The following MFHAS1 variants were observed in gnomAD, a reference collection of about 807,000 sequenced individuals.
MFHAS1 encodes malignant fibrous histiocytoma-amplified sequence 1.
A neutral mutation model predicts 70.4 loss-of-function variants in MFHAS1; 50 were observed. The observed-to-expected ratio is 0.71, with a 90% CI of 0.57 to 0.90. The LOEUF (loss-of-function observed/expected upper bound fraction) is 0.90, where lower values mean the gene tolerates loss of function less well. MFHAS1 is among the 40% of genes least tolerant of loss of function. The pLI, the probability that MFHAS1 is intolerant of heterozygous loss-of-function variation, is 0.00. For synonymous variants in MFHAS1, 952 were observed against 620.0 expected (o/e 1.54, Z -7.96); for missense variants, 1,795 against 1,347.6 (o/e 1.33, Z -5.20).
intron 1 of MFHAS1, among the ~76,000 whole-genome samples, chr8:8,809,193 A>G (rs1806452054): frequency 6.6e-6 from 1 of 152,160 alleles, no homozygotes; most frequent in Admixed American, 6.6e-5. Flanking sequence ...CTGATTCCAC[A>G]TTATAGTGAG....
intron 1 of MFHAS1, among the ~76,000 whole-genome samples, chr8:8,887,449 C>G (rs1269261539): frequency 6.6e-6 from 1 of 151,322 alleles, no homozygotes; most frequent in Admixed American, 6.6e-5. Flanking sequence ...ATGTTTTCTA[C>G]TATTCTATAC....
chr8:8,797,630 G>T, intron 1 of MFHAS1, 139 bp from the exon 2 acceptor site: 3 of 980,638 alleles, frequency 3.1e-6, no homozygotes, highest in Non-Finnish European at 4.4e-6. Context: ...GAACAAATGT[G>T]CAACCAAGAA....
chr8:8,875,202 C>T (rs1463815145), intron 1 of MFHAS1, among the ~76,000 whole-genome samples: 3 of 152,106 alleles, frequency 2.0e-5, no homozygotes, highest in Non-Finnish European at 4.4e-5. Context: ...GACTCAATGA[C>T]TCTACTTCGG....
intron 1 of MFHAS1, among the ~76,000 whole-genome samples, chr8:8,812,006 C>T (rs1399203334): frequency 1.3e-5 from 2 of 152,202 alleles, no homozygotes; most frequent in Non-Finnish European, 2.9e-5. Context: ...AAACCAGAAG[C>T]ACTCCAGGAA....
At chr8:8,888,188 T>A (rs901285411) in intron 1 of MFHAS1, among the ~76,000 whole-genome samples, 3 of 152,236 alleles carry the variant, frequency 2.0e-5, no homozygotes, top group African/African-American at 4.8e-5. Flanking sequence ...AATGGATGTC[T>A]CAGTTGACTG....
At chr8:8,809,094 T>C (rs1378398789) in intron 1 of MFHAS1, among the ~76,000 whole-genome samples, 2 of 152,140 alleles carry the variant, frequency 1.3e-5, no homozygotes, top group Non-Finnish European at 2.9e-5. Flanking sequence ...TGCGCGCTCC[T>C]TGTAAGAATC....
chr8:8,879,447 G>T (rs1241942093), intron 1 of MFHAS1, among the ~76,000 whole-genome samples: 1 of 152,162 alleles, frequency 6.6e-6, no homozygotes, highest in Non-Finnish European at 1.5e-5. Context: ...CATATACAAT[G>T]AATTTCCTTT....
At chr8:8,860,911 A>C (rs1468451119) in intron 1 of MFHAS1, among the ~76,000 whole-genome samples, 1 of 152,204 alleles carries the variant, frequency 6.6e-6, no homozygotes, top group Non-Finnish European at 1.5e-5. Flanking sequence ...ATACAAACCC[A>C]CAACCACTTA....
Position 8,892,517 on chromosome 8 carries a change from G to C in MFHAS1, c.542C>G (p.Ser181Cys), listed in dbSNP as rs1465225375. The change falls in exon 1 of 3, where the codon TCC becomes TGC. Residue 181 changes from serine to cysteine, a missense_variant. By Grantham distance (112) the Ser-to-Cys change is moderately radical (BLOSUM62 -1). Transcript: ENST00000276282. This position sits in a 1 kb window ranked among gnomAD's most constrained non-coding sequence, Gnocchi z 4.7. ...AHLPDSLSCL[S>C]RLRTLDVDHN... ...ATCCACGTCCAGGGTGCGCAGGCGG[G>C]AGAGGCAGGAGAGGGAGTCAGGCAG... 1.3e-6 allele frequency: 2 copies of C among 1,597,104 alleles called. No individual in the cohort carries two copies. The highest frequency in any genetic ancestry group is 1.7e-6 in the Non-Finnish European group (2 of 1,172,152).
At chr8:8,854,478 A>G (rs986820456) in intron 1 of MFHAS1, among the ~76,000 whole-genome samples, 6 of 151,558 alleles carry the variant, frequency 4.0e-5, no homozygotes, top group East Asian at 3.9e-4. Context: ...CTGAGATCGC[A>G]CCACTGCACT....
intron 1 of MFHAS1, among the ~76,000 whole-genome samples, chr8:8,800,169 G>A (rs1806036572): frequency 6.6e-6 from 1 of 152,138 alleles, no homozygotes; most frequent in African/African-American, 2.4e-5. Flanking sequence ...TTAATTTCCT[G>A]ACGTGTACAT....
chr8:8,838,537 G>A (rs1243654338), intron 1 of MFHAS1, among the ~76,000 whole-genome samples: 2 of 152,142 alleles, frequency 1.3e-5, no homozygotes, highest in Admixed American at 1.3e-4. Context: ...TATCAGCTGG[G>A]CACGTTGGCT....
chr8:8,820,647 C>T lies in MFHAS1; in HGVS notation c.2999-23156G>A, dbSNP rs114566325. 4.0e-3 allele frequency among the ~76,000 whole-genome samples: 607 copies of T among 152,274 alleles called. 4 individuals carry two copies. The highest frequency in any genetic ancestry group is 0.014 in the African/African-American group (569 of 41,542). ...ATCCCCTTGAGGAAATGAGGCTACA[C>T]GTCCATGTTCCCATCCTGTGGTCTT... is the stretch of plus-strand genomic sequence containing the variant. On this transcript the variant is annotated intron_variant, in intron 1 of 2. Coordinates refer to ENST00000276282, the MANE Select transcript of MFHAS1 (RefSeq NM_004225.3).
At chr8:8,825,148 G>C (rs1172462131) in intron 1 of MFHAS1, among the ~76,000 whole-genome samples, 1 of 152,162 alleles carries the variant, frequency 6.6e-6, no homozygotes, top group Admixed American at 6.5e-5. Flanking sequence ...AGGACTACAG[G>C]CTGGAGAACT....
intron 1 of MFHAS1, among the ~76,000 whole-genome samples, chr8:8,855,055 G>A (rs769322199): frequency 8.5e-5 from 13 of 152,062 alleles, no homozygotes; most frequent in East Asian, 3.9e-4. Context: ...GACCACAGTC[G>A]TGGTCCTCCC....
intron 1 of MFHAS1, among the ~76,000 whole-genome samples, chr8:8,826,046 A>ATAGT (rs1388953692): frequency 6.6e-6 from 1 of 152,206 alleles, no homozygotes; most frequent in Non-Finnish European, 1.5e-5. Context: ...CTGATAATGG[A>ATAGT]TAGTTGTCAG....
chr8:8,881,428 C>T (rs550133370), intron 1 of MFHAS1, among the ~76,000 whole-genome samples: 1 of 152,338 alleles, frequency 6.6e-6, no homozygotes, highest in African/African-American at 2.4e-5. Context: ...GGAACTCACA[C>T]CAGCAGGTGT....
chr8:8,811,694 G>C (rs1345002777), intron 1 of MFHAS1, among the ~76,000 whole-genome samples: 1 of 152,226 alleles, frequency 6.6e-6, no homozygotes, highest in Non-Finnish European at 1.5e-5. Flanking sequence ...CTTACTCACT[G>C]TGGGATCCCA....
Position 8,890,970 on chromosome 8 carries a change from C to A in MFHAS1, c.2089G>T (p.Glu697Ter). 6.2e-7 allele frequency: 1 copy of A among 1,613,608 alleles called. No individual in the cohort carries two copies. Among genetic ancestry groups the A allele is most frequent in the South Asian group, 1.1e-5 (1 of 91,046 alleles). The change falls in exon 1 of 3, where the codon GAG (glutamate) becomes TAG (stop). Residue 697 changes from glutamate to a stop codon, truncating the protein, a stop_gained. Coordinates refer to ENST00000276282, the MANE Select transcript of MFHAS1 (RefSeq NM_004225.3). LOFTEE classifies it high-confidence loss of function. ...GAGAGGGCACTCTGCAGTCGGTCCT[C>A]GGTCAGACCCGCCTGCAGGCCCAAG... is the stretch of plus-strand genomic sequence containing the variant. The part of the protein sequence containing the change: ...ARLGLQAGLT[E>*]DRLQSALSYL...
Sources: allele counts gnomAD v4.1 joint callset (sites outside exome capture counted in the v4.1 genomes callset), GRCh38; gene constraint gnomAD v4.1.1; non-coding constraint Gnocchi (gnomAD v3.1); transcripts MANE v1.5; gene names NCBI Gene and HGNC (gene_info 2026-07-23, HGNC 2026-07-21).